GRIA2: variants seen among roughly 807,000 people sequenced by gnomAD.
GRIA2 encodes the protein glutamate ionotropic receptor AMPA type subunit 2.
Under a neutral mutation model 97.3 loss-of-function variants are expected in GRIA2, and 14 were observed. That is an observed-to-expected ratio of 0.14 (90% confidence interval 0.10 to 0.23). The LOEUF is 0.23. Ranked by LOEUF, GRIA2 falls within the 10% of genes least tolerant of loss-of-function variation. The pLI is 1.00. For synonymous variants in GRIA2, 412 were observed against 387.8 expected, an observed-to-expected ratio of 1.06 and a Z score of -0.73; for missense variants, 558 against 1,069.8, an observed-to-expected ratio of 0.52 and a Z score of 6.67.
intron 2 of GRIA2, among the ~76,000 whole-genome samples, chr4:157,235,645 T>C (rs1730210329): frequency 6.6e-6 from 1 of 152,194 alleles, no homozygotes; most frequent in Non-Finnish European, 1.5e-5. Context: ...CTACTGCTGT[T>C]AACAAACTAA....
intron 12 of GRIA2, among the ~76,000 whole-genome samples, chr4:157,354,976 A>G (rs1370032321): frequency 6.6e-6 from 1 of 152,168 alleles, no homozygotes; most frequent in Non-Finnish European, 1.5e-5. Context: ...CTGTGCATGC[A>G]GTGGCTCCAG....
chr4:157,335,919 ATTG>A lies in GRIA2; in HGVS notation c.1473+49_1473+51del, dbSNP rs536687017. On this transcript the variant is annotated intron_variant, in intron 10 of 15. Transcript: ENST00000264426. The stretch of plus-strand genomic sequence containing the variant: ...TCATAGATAAAGTCATTCAATTTGA[ATTG>A]TTGTTGACAGACTGCTTCCTCTCCC... The A allele has an allele frequency of 4.9e-4, 629 of 1,295,196 alleles. 14 individuals are homozygous for A. The South Asian group carries it at 7.3e-3, about 15-fold the overall frequency. 80.2% of individuals were successfully genotyped at this position (1,295,196 alleles called of 1,614,324 possible).
intron 2 of GRIA2, among the ~76,000 whole-genome samples, chr4:157,225,283 C>T (rs1729692701): frequency 6.6e-6 from 1 of 151,932 alleles, no homozygotes; most frequent in Admixed American, 6.6e-5. Context: ...CCATGGGTAC[C>T]TGAGGCAGTA....
chr4:157,303,373 C>T (rs558982922), intron 2 of GRIA2, among the ~76,000 whole-genome samples, 179 bp from the exon 3 acceptor site: 1 of 151,948 alleles, frequency 6.6e-6, no homozygotes, highest in East Asian at 1.9e-4. Flanking sequence ...CTTTTAGATC[C>T]CACAAATAGA....
At chr4:157,355,666 ATT>A (rs1408513614) in intron 12 of GRIA2, among the ~76,000 whole-genome samples, 2 of 93,118 alleles carry the variant, frequency 2.1e-5, no homozygotes, top group Non-Finnish European at 3.9e-5. Context: ...ATTTATATTT[ATT>A]TTTATATATT....
chr4:157,319,799 C>T (rs1219585102), intron 5 of GRIA2, among the ~76,000 whole-genome samples: 3 of 152,052 alleles, frequency 2.0e-5, no homozygotes, highest in Admixed American at 6.5e-5. Flanking sequence ...TTGCTGAATG[C>T]TTGATTGGGC....
chr4:157,300,617 T>A (rs1733572887), intron 2 of GRIA2, among the ~76,000 whole-genome samples: 2 of 151,972 alleles, frequency 1.3e-5, no homozygotes, highest in Non-Finnish European at 2.9e-5. Flanking sequence ...TATATGCAAA[T>A]GGACACTTGA....
intron 6 of GRIA2, among the ~76,000 whole-genome samples, chr4:157,330,372 A>G (rs1734996450): frequency 6.6e-6 from 1 of 151,930 alleles, no homozygotes; most frequent in Non-Finnish European, 1.5e-5. Flanking sequence ...TAGTACTTAA[A>G]TTTTAGTACT....
At chr4:157,254,084 C>CT (rs1160625909) in intron 2 of GRIA2, among the ~76,000 whole-genome samples, 3 of 151,250 alleles carry the variant, frequency 2.0e-5, no homozygotes, top group Non-Finnish European at 2.9e-5. Flanking sequence ...CATTAATGCT[C>CT]TTTTTTCTGT....
chr4:157,339,867 A>G lies in GRIA2; in HGVS notation c.1845-1397A>G, dbSNP rs530113683. Among the ~76,000 whole-genome samples the G allele has an allele frequency of 5.9e-5, 9 of 152,002 alleles. 1 individual carries two copies. In the South Asian group the frequency reaches 1.7e-3, roughly 28 times the overall value. On this transcript the variant is annotated intron_variant, in intron 11 of 15. Coordinates refer to ENST00000264426, the MANE Select transcript of GRIA2 (RefSeq NM_001083619.3). The stretch of plus-strand genomic sequence containing the variant: ...ACATAAGGCATTTTTCAAATGTAAA[A>G]TATATTTAATATCCTTTTCAGAATA...
chr4:157,233,074 TA>T (rs1476839012), intron 2 of GRIA2, among the ~76,000 whole-genome samples: 1 of 152,206 alleles, frequency 6.6e-6, no homozygotes, highest in Non-Finnish European at 1.5e-5. Flanking sequence ...GAGCACTTGC[TA>T]TTAGAGGCAG....
intron 2 of GRIA2, among the ~76,000 whole-genome samples, chr4:157,300,219 G>C (rs1468976573): frequency 6.6e-6 from 1 of 152,106 alleles, no homozygotes; most frequent in Non-Finnish European, 1.5e-5. Flanking sequence ...ATGAAGTAAA[G>C]AGTAATTCCA....
intron 11 of GRIA2, among the ~76,000 whole-genome samples, chr4:157,340,922 A>G (rs182817954): frequency 1.3e-5 from 2 of 152,024 alleles, no homozygotes; most frequent in East Asian, 3.9e-4. Context: ...TCTCTTGTTT[A>G]TGTTTACTTA....
At chr4:157,272,338 G>A (rs1481128148) in intron 2 of GRIA2, among the ~76,000 whole-genome samples, 4 of 152,018 alleles carry the variant, frequency 2.6e-5, no homozygotes, top group Non-Finnish European at 5.9e-5. Flanking sequence ...TAACACAGAT[G>A]CGAAGTCACA....
intron 2 of GRIA2, among the ~76,000 whole-genome samples, chr4:157,232,551 T>A (rs922196183): frequency 6.6e-6 from 1 of 152,198 alleles, no homozygotes; most frequent in Non-Finnish European, 1.5e-5. Context: ...GGTTTTTAGT[T>A]TTTACTAGTT....
At chr4:157,246,891 T>C (rs987403512) in intron 2 of GRIA2, among the ~76,000 whole-genome samples, 4 of 152,166 alleles carry the variant, frequency 2.6e-5, no homozygotes, top group African/African-American at 9.6e-5. Context: ...TTTTTCATTT[T>C]CTGTCCATTT....
Position 157,303,568 on chromosome 4 carries a change from G to C in GRIA2, c.246G>C (p.Ser82=), listed in dbSNP as rs781317017. 1 of 1,613,118 alleles carries C rather than the reference G, an allele frequency of 6.2e-7. No individual in the cohort carries two copies. The highest frequency in any genetic ancestry group is 1.3e-5 in the African/African-American group (1 of 74,836). ...AVTNAFCSQF[S]RGVYAIFGFY... Reference sequence around the variant, plus strand: ...TTCTTCTAGTCTGCTCCCAGTTTTCGAGAGGAGTCTATGCTATTTTTGGAT... The same window carrying C: ...TTCTTCTAGTCTGCTCCCAGTTTTCCAGAGGAGTCTATGCTATTTTTGGAT... Residue 82 remains serine (S), a synonymous_variant, in exon 3 of 16, where the codon TCG becomes TCC. Transcript: ENST00000264426.
At chr4:157,360,261 A>C in intron 13 of GRIA2, 118 bp downstream of exon 13, 1 of 954,260 alleles carries the variant, frequency 1.0e-6, no homozygotes, top group Non-Finnish European at 1.6e-6. Flanking sequence ...ACCATCACAA[A>C]AATGACCAAA....
rs1383997345 is a variant in GRIA2 at position 157,348,114 on chromosome 4, C to CA, written c.2043+6663dup. 5.1e-3 allele frequency among the ~76,000 whole-genome samples: 719 copies of CA among 140,344 alleles called. 4 individuals are homozygous for CA. The highest frequency in any genetic ancestry group is 0.013 in the African/African-American group (479 of 38,132). The allele number at this position is 140,344 out of a possible 152,430, so 92.1% of individuals were successfully genotyped here. A position where few individuals can be genotyped will look rare whatever the true frequency, so the allele number is the denominator to read the frequency against. On this transcript the variant is annotated intron_variant, in intron 12 of 15. Coordinates refer to ENST00000264426, the MANE Select transcript of GRIA2 (RefSeq NM_001083619.3). The stretch of plus-strand genomic sequence containing the variant: ...CGGGCAACAGAGTGAGGCTCTGTCT[C>CA]AAAAAAAAAAAGAAAATTTGATATT...
Sources: gnomAD v4.1 joint callset for allele counts (sites outside exome capture counted in the v4.1 genomes callset) on GRCh38, gnomAD v4.1.1 for gene constraint, MANE v1.5 for transcripts, NCBI Gene and HGNC (gene_info 2026-07-23, HGNC 2026-07-21) for gene names.